The following WWOX variants were observed in gnomAD, a reference collection of about 807,000 sequenced individuals.
WWOX encodes the protein WW domain containing oxidoreductase, also known as WW domain-containing oxidoreductase.
Under a neutral mutation model 46.2 loss-of-function variants are expected in WWOX, and 69 were observed. That is an observed-to-expected ratio of 1.49 (90% CI 1.23 to 1.82). WWOX has a LOEUF of 1.82. WWOX is among the 40% of genes most tolerant of loss of function. The pLI is 0.00. For synonymous variants in WWOX, 359 were observed against 202.6 expected, an observed-to-expected ratio of 1.77 and a Z score of -6.56; for missense variants, 919 against 542.6, an observed-to-expected ratio of 1.69 and a Z score of -6.89.
At chr16:78,770,688 A>G (rs1597581977) in intron 8 of WWOX, among the ~76,000 whole-genome samples, 2 of 68,676 alleles carry the variant, frequency 2.9e-5, no homozygotes, top group African/African-American at 1.2e-4. Context: ...TGAACCGCCC[A>G]CAGGGAGATG....
chr16:78,371,618 C>G (rs1022151496), intron 5 of WWOX, among the ~76,000 whole-genome samples: 2 of 152,108 alleles, frequency 1.3e-5, no homozygotes, highest in Non-Finnish European at 2.9e-5. Flanking sequence ...TTGGCACATG[C>G]AAGTTCATGA....
intron 8 of WWOX, among the ~76,000 whole-genome samples, chr16:78,585,668 G>C (rs1229594224): frequency 2.1e-5 from 3 of 145,994 alleles, no homozygotes; most frequent in African/African-American, 7.8e-5. Flanking sequence ...CTTTTGTTTT[G>C]TTTTGGGTTT....
intron 8 of WWOX, chr16:78,757,004 G>A (rs1360121073): frequency 1.4e-6 from 1 of 702,732 alleles, no homozygotes; most frequent in Non-Finnish European, 2.6e-6. Flanking sequence ...TGAGCCTCCT[G>A]CCAACAGCCA....
At chr16:78,767,972 G>C (rs923817097) in intron 8 of WWOX, among the ~76,000 whole-genome samples, 7 of 152,188 alleles carry the variant, frequency 4.6e-5, no homozygotes, top group Non-Finnish European at 8.8e-5. Context: ...ATGTCTTCTA[G>C]TACTGTTTAG....
At chr16:78,273,466 C>CA (rs1206607164) in intron 5 of WWOX, among the ~76,000 whole-genome samples, 8 of 152,174 alleles carry the variant, frequency 5.3e-5, no homozygotes, top group Non-Finnish European at 1.2e-4. Context: ...AGAACTCATT[C>CA]ACTCAATAAA....
In WWOX at chr16:78,182,890, G is replaced by T. The variant is rs193089462; in HGVS notation, c.516+18601G>T. Among the ~76,000 whole-genome samples the T allele has an allele frequency of 5.0e-3, 756 of 149,884 alleles. 6 individuals are homozygous for T. Among genetic ancestry groups the T allele is most frequent in the African/African-American group, 0.018 (720 of 40,664 alleles). ...GGCATGAACCTGGGAGGCAGAGCTT[G>T]CAGTGAGCCGAGATTGCGCCACTGC... On this transcript the variant is annotated intron_variant, in intron 5 of 8. Transcript: ENST00000566780.
chr16:78,698,273 C>G (rs1205331211), intron 8 of WWOX, among the ~76,000 whole-genome samples: 2 of 152,136 alleles, frequency 1.3e-5, no homozygotes, highest in African/African-American at 4.8e-5. Flanking sequence ...TGAGTACTTT[C>G]AATTAGGTTT....
At chr16:79,027,337 T>G (rs2151391347) in intron 8 of WWOX, among the ~76,000 whole-genome samples, 1 of 150,672 alleles carries the variant, frequency 6.6e-6, no homozygotes, top group African/African-American at 2.5e-5. Context: ...ATAATATAGC[T>G]CTGCAGAACT....
intron 8 of WWOX, chr16:78,872,728 C>T (rs1240865603): frequency 2.0e-5 from 3 of 152,170 alleles, no homozygotes; most frequent in African/African-American, 7.2e-5. Context: ...TCTTTGCCTT[C>T]CGAAGCTGCC....
intron 8 of WWOX, among the ~76,000 whole-genome samples, chr16:78,568,726 C>G (rs942638464): frequency 2.0e-4 from 31 of 152,086 alleles, no homozygotes; most frequent in African/African-American, 7.0e-4. Context: ...CTACCTGCCT[C>G]GGCCTCCCAA....
chr16:78,259,749 T>G (rs897749693), intron 5 of WWOX, among the ~76,000 whole-genome samples: 2 of 151,486 alleles, frequency 1.3e-5, no homozygotes, highest in African/African-American at 4.9e-5. Flanking sequence ...AGATATAATT[T>G]GGAGATCTCT....
At chr16:78,478,936 C>A (rs543905189) in intron 8 of WWOX, among the ~76,000 whole-genome samples, 4 of 152,170 alleles carry the variant, frequency 2.6e-5, no homozygotes, top group Admixed American at 2.6e-4. Context: ...ATATTTCCAT[C>A]ATGGCCCCTT....
chr16:78,392,735 A>G (rs1002033154), intron 6 of WWOX, among the ~76,000 whole-genome samples: 1 of 152,176 alleles, frequency 6.6e-6, no homozygotes, highest in Non-Finnish European at 1.5e-5. Context: ...ATGTTTTCGT[A>G]AGAATACTTC....
intron 5 of WWOX, among the ~76,000 whole-genome samples, chr16:78,183,868 T>C (rs1279162979): frequency 6.6e-6 from 1 of 152,212 alleles, no homozygotes; most frequent in African/African-American, 2.4e-5. Flanking sequence ...TGTTGGATTT[T>C]GTAGGATGGT....
intron 5 of WWOX, among the ~76,000 whole-genome samples, chr16:78,352,110 A>G (rs1318185281): frequency 1.3e-5 from 2 of 152,204 alleles, no homozygotes; most frequent in Non-Finnish European, 2.9e-5. Flanking sequence ...CTCAAGGAAC[A>G]GCTGCACCTC....
intron 8 of WWOX, among the ~76,000 whole-genome samples, chr16:78,905,504 C>A (rs893507472): frequency 6.6e-6 from 1 of 152,156 alleles, no homozygotes; most frequent in Admixed American, 6.5e-5. Flanking sequence ...ACCTCAGCCT[C>A]CTGTGTAGTG....
intron 5 of WWOX, among the ~76,000 whole-genome samples, chr16:78,214,166 C>T (rs528953544): frequency 1.4e-4 from 21 of 152,268 alleles, no homozygotes; most frequent in African/African-American, 3.9e-4. Context: ...TGGACCCTCA[C>T]GTCTCAGGAT....
rs61469070 is a variant in WWOX, at chr16:78,386,679, TC to T, written c.517-177del. On this transcript the variant is annotated intron_variant, in intron 5 of 8. Transcript: ENST00000566780. ...TTAGCAGAATCCCAGCCTCACATCC[TC>T]CCCGAACTTGGCAGTAAAAGCCCTG... 0.025 allele frequency among the ~76,000 whole-genome samples: 1,858 copies of T among 73,264 alleles called. 39 individuals are homozygous for T. Among genetic ancestry groups the T allele is most frequent in the African/African-American group, 0.089 (1,725 of 19,284 alleles). The allele number at this position is 73,264 out of a possible 152,430, so 48.1% of individuals were successfully genotyped here. A position where few individuals can be genotyped will look rare whatever the true frequency, so the allele number is the denominator to read the frequency against.
intron 8 of WWOX, among the ~76,000 whole-genome samples, chr16:79,093,620 C>A (rs1597369298): frequency 6.6e-6 from 1 of 152,182 alleles, no homozygotes; most frequent in Non-Finnish European, 1.5e-5. Context: ...CAGGGTGGCC[C>A]ATTGGCACCC....
Sources: allele counts gnomAD v4.1 joint callset (sites outside exome capture counted in the v4.1 genomes callset), GRCh38; gene constraint gnomAD v4.1.1; transcripts MANE v1.5; gene names NCBI Gene and HGNC (gene_info 2026-07-23, HGNC 2026-07-21).